TBKBP1: variants seen among roughly 807,000 people sequenced by gnomAD.
The protein encoded by TBKBP1 is TANK-binding kinase 1-binding protein 1.
Under a neutral mutation model 69.9 loss-of-function variants are expected in TBKBP1, and 47 were observed. That is an observed-to-expected ratio of 0.67 (90% CI 0.53 to 0.86). The LOEUF is 0.86. Ranked by LOEUF, TBKBP1 falls within the 40% of genes least tolerant of loss-of-function variation. The pLI, the probability that TBKBP1 is intolerant of heterozygous loss-of-function variation, is 0.00. For synonymous variants in TBKBP1, 418 were observed against 390.3 expected, an observed-to-expected ratio of 1.07 and a Z score of -0.84; for missense variants, 831 against 858.6, an observed-to-expected ratio of 0.97 and a Z score of 0.40.
At chr17:47,696,625 A>G in intron 2 of TBKBP1, 86 bp from the exon 3 acceptor site, 1 of 1,595,742 alleles carries the variant, frequency 6.3e-7, no homozygotes, top group Non-Finnish European at 8.5e-7. Context: ...GGTCTGAGGC[A>G]GGTTGTGGGT....
chr17:47,705,728 A>G lies in TBKBP1; in HGVS notation c.873-2666A>G, dbSNP rs573941201. On this transcript the variant is annotated intron_variant, in intron 7 of 9. Transcript: ENST00000578982. Reference sequence around the variant, plus strand: ...TCAGTGAGTCATTCAGGTCGTTAGCATCTTCAGCGGCCCAGGCCTGTGCAT... The same window carrying G: ...TCAGTGAGTCATTCAGGTCGTTAGCGTCTTCAGCGGCCCAGGCCTGTGCAT... 5.0e-4 allele frequency among the ~76,000 whole-genome samples: 76 copies of G among 152,346 alleles called. 1 individual carries two copies. The highest frequency in any genetic ancestry group is 4.4e-3 in the Admixed American group (67 of 15,296).
Position 47,699,619 on chromosome 17 carries a change from T to C in TBKBP1, c.811-17T>C. 4.3e-6 allele frequency: 7 copies of C among 1,613,970 alleles called. No homozygotes were observed. The highest frequency in any genetic ancestry group is 1.3e-5 in the African/African-American group (1 of 75,040). ...AGGGGTGAGCTTGGGCTCTGACCTC[T>C]TCATCTTCTTCCTTAGGATCTGGCC... On this transcript the variant is annotated splice_polypyrimidine_tract_variant and intron_variant, in intron 6 of 9. Coordinates refer to ENST00000578982, the MANE Select transcript of TBKBP1 (RefSeq NM_001394755.1).
chr17:47,697,152 T>C lies in TBKBP1; in HGVS notation c.412T>C (p.Cys138Arg). 1 of 1,613,314 alleles carries C rather than the reference T, an allele frequency of 6.2e-7. No individual in the cohort carries two copies. Among genetic ancestry groups the C allele is most frequent in the Non-Finnish European group, 8.5e-7 (1 of 1,179,602 alleles). ...GEMIQAYEKL[C>R]VEKSDLETEL... Reference sequence around the variant, plus strand: ...GATGATCCAGGCCTACGAGAAACTCTGCGTGGAGAAGAGTGACTTGGAGAC... The same window carrying C: ...GATGATCCAGGCCTACGAGAAACTCCGCGTGGAGAAGAGTGACTTGGAGAC... The change falls in exon 4 of 10, where the codon TGC becomes CGC. Residue 138 changes from cysteine (C) to arginine (R), a missense_variant. Transcript: ENST00000578982.
chr17:47,702,940 G>A (rs181633133), intron 7 of TBKBP1, among the ~76,000 whole-genome samples: 1 of 151,368 alleles, frequency 6.6e-6, no homozygotes, highest in East Asian at 2.0e-4. Context: ...GTTCCAGAGT[G>A]GGGCCTTTTG....
chr17:47,697,714 C>T (rs9898358), intron 4 of TBKBP1, among the ~76,000 whole-genome samples: 2 of 152,174 alleles, frequency 1.3e-5, no homozygotes, highest in Non-Finnish European at 2.9e-5. Flanking sequence ...CGCCTATAAT[C>T]TCAGCACTTT....
At position 47,708,725 on chromosome 17, in the gene TBKBP1, G is replaced by A. The variant is rs2031787163; in HGVS notation, c.992G>A (p.Gly331Asp). The change falls in exon 9 of 10, where the codon GGC becomes GAC. Residue 331 changes from glycine to aspartate, a missense_variant and splice_region_variant. Transcript: ENST00000578982. This position sits in a 1 kb window ranked among gnomAD's most constrained non-coding sequence, Gnocchi z 4.4. Reference sequence around the variant, plus strand: ...CACCCCGTCCCGGTTTCTCTTCCAGGCCAGAGGCACTCGCCGCTGTCACAA... The same window carrying A: ...CACCCCGTCCCGGTTTCTCTTCCAGACCAGAGGCACTCGCCGCTGTCACAA... ...TLLQEQARSG[G>D]QRHSPLSQRH... The A allele has an allele frequency of 1.3e-6, 2 of 1,490,178 alleles. No individual in the cohort carries two copies. Among genetic ancestry groups the A allele is most frequent in the South Asian group, 2.7e-5 (2 of 75,286 alleles). The allele number at this position is 1,490,178 out of a possible 1,614,324, so 92.3% of individuals were successfully genotyped here.
In TBKBP1 at chr17:47,710,727, G is replaced by A; in HGVS notation, c.*101G>A. 6.8e-7 allele frequency: 1 copy of A among 1,478,216 alleles called. No individual in the cohort carries two copies. The highest frequency in any genetic ancestry group is 9.1e-7 in the Non-Finnish European group (1 of 1,095,950). 91.6% of individuals were successfully genotyped at this position (1,478,216 alleles called of 1,614,324 possible). ...AATCTCGTGGGGGGTCCCTGCCCTTGCGACCCCCAGATACCTCCACTTGCT... is the reference window on the plus strand; with the variant it reads ...AATCTCGTGGGGGGTCCCTGCCCTTACGACCCCCAGATACCTCCACTTGCT... On this transcript the variant is annotated 3_prime_UTR_variant, in exon 10 of 10. Coordinates refer to ENST00000578982, the MANE Select transcript of TBKBP1 (RefSeq NM_001394755.1).
chr17:47,708,093 T>C lies in TBKBP1; in HGVS notation c.873-301T>C, dbSNP rs1340567674. Among the ~76,000 whole-genome samples, 1 of 152,234 alleles carries C rather than the reference T, an allele frequency of 6.6e-6. No individual in the cohort carries two copies. Among genetic ancestry groups the C allele is most frequent in the Non-Finnish European group, 1.5e-5 (1 of 68,034 alleles). On this transcript the variant is annotated intron_variant, in intron 7 of 9. Transcript: ENST00000578982. This position sits in a 1 kb window ranked among gnomAD's most constrained non-coding sequence, Gnocchi z 4.4. ...CTGTGTTCAGACCACGGACAGTGCC[T>C]GATGCAGGGATTCAGGGAGCCCTTG...
rs774423273 is a variant in TBKBP1 at position 47,696,820 on chromosome 17, A to C, written c.335A>C (p.Gln112Pro). The C allele has an allele frequency of 5.0e-6, 8 of 1,613,862 alleles. No homozygotes were observed. Among genetic ancestry groups the C allele is most frequent in the Non-Finnish European group, 6.8e-6 (8 of 1,179,800 alleles). ...EKVSLQQRLN[Q>P]FQHELQKNKE... The stretch of plus-strand genomic sequence containing the variant: ...GTCAGCCTGCAGCAACGGCTCAACC[A>C]GTTCCAGCATGAGGTGAGCCTACCA... Residue 112 changes from glutamine to proline, a missense_variant, in exon 3 of 10, where the codon CAG (glutamine) becomes CCG (proline). By Grantham distance (76) the Gln-to-Pro change is moderately conservative. Coordinates refer to ENST00000578982, the MANE Select transcript of TBKBP1 (RefSeq NM_001394755.1).
chr17:47,696,422 A>C, intron 2 of TBKBP1, 85 bp downstream of exon 2: 2 of 1,455,544 alleles, frequency 1.4e-6, no homozygotes, highest in Non-Finnish European at 1.9e-6. Flanking sequence ...AGGGATCCAA[A>C]AGAGGGGTCA....
rs1302120353 is a variant in TBKBP1 at position 47,708,806 on chromosome 17, C to T, written c.1073C>T (p.Pro358Leu). 1.2e-5 allele frequency: 13 copies of T among 1,058,542 alleles called. No individual in the cohort carries two copies. In the African/African-American group the frequency reaches 1.5e-4, roughly 12 times the overall value. The allele number at this position is 1,058,542 out of a possible 1,614,324, so 65.6% of individuals were successfully genotyped here. ...PSPSPPARAAPPCPPCQSPVP... is the reference protein window; with the variant it reads ...PSPSPPARAALPCPPCQSPVP... ...CCCTCCCCGCCTGCCCGAGCGGCTCCCCCGTGCCCCCCGTGCCAGTCCCCC... is the reference window on the plus strand; with the variant it reads ...CCCTCCCCGCCTGCCCGAGCGGCTCTCCCGTGCCCCCCGTGCCAGTCCCCC... Residue 358 changes from proline to leucine, a missense_variant, in exon 9 of 10, where the codon CCC (proline) becomes CTC (leucine). Physicochemically the swap from Pro to Leu is moderately conservative, Grantham distance 98. Coordinates refer to ENST00000578982, the MANE Select transcript of TBKBP1 (RefSeq NM_001394755.1). The surrounding 1 kb of genome is among the most constrained non-coding windows in gnomAD (Gnocchi z 4.4).
At chr17:47,707,764 T>C (rs527596098) in intron 7 of TBKBP1, among the ~76,000 whole-genome samples, 13 of 152,272 alleles carry the variant, frequency 8.5e-5, no homozygotes, top group African/African-American at 2.9e-4. Flanking sequence ...GCAGTGGACA[T>C]GGAATTGGGC....
rs1445931532 is a variant in TBKBP1, at chr17:47,698,794, C to T, written c.634+19C>T. The T allele has an allele frequency of 9.2e-6, 14 of 1,523,302 alleles. No individual in the cohort carries two copies. Among genetic ancestry groups the T allele is most frequent in the South Asian group, 2.6e-5 (2 of 77,222 alleles). 94.4% of individuals were successfully genotyped at this position (1,523,302 alleles called of 1,614,324 possible). A position where few individuals can be genotyped will look rare whatever the true frequency, so the allele number is the denominator to read the frequency against. The stretch of plus-strand genomic sequence containing the variant: ...AGTCATGGTGAGATCTCAGTGACCC[C>T]GACTTACCTCCTAGTCCCCAACCCC... On this transcript the variant is annotated intron_variant, in intron 5 of 9. Transcript: ENST00000578982.
At chr17:47,698,337 A>C (rs1175748275) in intron 4 of TBKBP1, among the ~76,000 whole-genome samples, 1 of 152,220 alleles carries the variant, frequency 6.6e-6, no homozygotes, top group Non-Finnish European at 1.5e-5. Flanking sequence ...GCTGGCCTCC[A>C]AACAGGGGGC....
chr17:47,700,033 G>T (rs2031430250), intron 7 of TBKBP1, among the ~76,000 whole-genome samples: 1 of 150,402 alleles, frequency 6.6e-6, no homozygotes, highest in Non-Finnish European at 1.5e-5. Flanking sequence ...TGTCACCCAG[G>T]CTTGAGTGCA....
intron 3 of TBKBP1, 56 bp from the exon 4 acceptor site, chr17:47,697,033 A>G (rs2031275661): frequency 1.3e-6 from 2 of 1,556,588 alleles, no homozygotes; most frequent in East Asian, 4.7e-5. Context: ...GAGCTCTCCA[A>G]CTCCAAGTCC....
At chr17:47,694,108 CA>C (rs1342960434), upstream of TBKBP1, 1 of 49,676 alleles carries the variant, frequency 2.0e-5, no homozygotes, top group African/African-American at 9.3e-5. Flanking sequence ...AGCGCGGTAC[CA>C]GGGGGGTGGG....
chr17:47,696,121 C>T lies in TBKBP1; in HGVS notation c.9C>T (p.Ser3=). The change falls in exon 2 of 10, where the codon TCC becomes TCT. Residue 3 remains serine, a synonymous_variant. Transcript: ENST00000578982. ...GCGGCCCGGCCCTCACCATGGAGTCCATGTTCGAGGACGACATCAGCATCC... is the reference window on the plus strand; with the variant it reads ...GCGGCCCGGCCCTCACCATGGAGTCTATGTTCGAGGACGACATCAGCATCC... ME[S]MFEDDISILT... is the part of the protein sequence containing the mutation. 1 of 1,610,948 alleles carries T rather than the reference C, an allele frequency of 6.2e-7. No individual in the cohort carries two copies. Among genetic ancestry groups the T allele is most frequent in the Middle Eastern group, 1.7e-4 (1 of 6,050 alleles).
chr17:47,708,670 T>G lies in TBKBP1; in HGVS notation c.992-55T>G, dbSNP rs1410895680. 6.8e-7 allele frequency: 1 copy of G among 1,468,650 alleles called. No homozygotes were observed. Among genetic ancestry groups the G allele is most frequent in the Non-Finnish European group, 9.0e-7 (1 of 1,107,294 alleles). 91.0% of individuals were successfully genotyped at this position (1,468,650 alleles called of 1,614,324 possible). A position where few individuals can be genotyped will look rare whatever the true frequency, so the allele number is the denominator to read the frequency against. On this transcript the variant is annotated intron_variant, in intron 8 of 9. Transcript: ENST00000578982. The surrounding 1 kb of genome is among the most constrained non-coding windows in gnomAD (Gnocchi z 4.4). ...GGGCAAGCCCCTGGCGCTCCAGTTC[T>G]GAGGTCTTCTCTCTGCACCTTTGTC... is the stretch of plus-strand genomic sequence containing the variant.
Sources: allele counts gnomAD v4.1 joint callset (sites outside exome capture counted in the v4.1 genomes callset), GRCh38; gene constraint gnomAD v4.1.1; non-coding constraint Gnocchi (gnomAD v3.1); transcripts MANE v1.5; gene names NCBI Gene and HGNC (gene_info 2026-07-23, HGNC 2026-07-21).